Variants in POU6F2 observed in about 807,000 individuals in gnomAD.
POU6F2 encodes the protein POU class 6 homeobox 2, also known as POU domain, class 6, transcription factor 2.
A neutral mutation model predicts 71.3 loss-of-function variants in POU6F2; 31 were observed. The ratio of observed to expected loss-of-function variants is 0.43; its 90% CI spans 0.33 to 0.59. The LOEUF (loss-of-function observed/expected upper bound fraction) is 0.59, where lower values mean the gene tolerates loss of function less well. Ranked by LOEUF, POU6F2 falls within the 20% of genes least tolerant of loss-of-function variation. POU6F2 has a pLI of 0.04. For synonymous variants in POU6F2, 347 were observed against 355.7 expected (o/e 0.98, Z 0.27); for missense variants, 783 against 856.8 (o/e 0.91, Z 1.07).
chr7:39,126,198 T>C lies in POU6F2; in HGVS notation c.277+40167T>C, dbSNP rs114357156. ...TCACCATGTAAGCTGAATTCAGCCTTGGCTAAGGTATAAGGTATACAGCAC... is the reference window on the plus strand; with the variant it reads ...TCACCATGTAAGCTGAATTCAGCCTCGGCTAAGGTATAAGGTATACAGCAC... On this transcript the variant is annotated intron_variant, in intron 2 of 9. Coordinates refer to ENST00000518318, the MANE Select transcript of POU6F2 (RefSeq NM_001370959.1). Among the ~76,000 whole-genome samples, 451 of 152,328 alleles carry C rather than the reference T, an allele frequency of 3.0e-3. 1 individual carries two copies. The highest frequency in any genetic ancestry group is 0.01 in the African/African-American group (427 of 41,576).
chr7:39,252,516 C>T (rs1361774707), intron 4 of POU6F2, among the ~76,000 whole-genome samples: 1 of 151,986 alleles, frequency 6.6e-6, no homozygotes, highest in Non-Finnish European at 1.5e-5. Context: ...ATCTTTGCCA[C>T]TGTGAAATGA....
intron 5 of POU6F2, among the ~76,000 whole-genome samples, chr7:39,395,034 G>A (rs192480940): frequency 2.6e-5 from 4 of 152,146 alleles, no homozygotes; most frequent in Non-Finnish European, 4.4e-5. Context: ...CCCTCTGATT[G>A]CCCTATTGCT....
intron 5 of POU6F2, among the ~76,000 whole-genome samples, chr7:39,396,532 C>T (rs1349044285): frequency 2.0e-5 from 3 of 152,200 alleles, no homozygotes; most frequent in Non-Finnish European, 2.9e-5. Flanking sequence ...TCCACAAGTG[C>T]TCATGGAGAG....
chr7:39,215,987 T>C (rs1794234985), intron 4 of POU6F2, among the ~76,000 whole-genome samples: 1 of 152,182 alleles, frequency 6.6e-6, no homozygotes, highest in South Asian at 2.1e-4. Context: ...TGGGATATGT[T>C]TTTTTCGTTA....
At chr7:39,242,306 A>G (rs1347271118) in intron 4 of POU6F2, among the ~76,000 whole-genome samples, 2 of 151,866 alleles carry the variant, frequency 1.3e-5, no homozygotes, top group African/African-American at 4.8e-5. Context: ...CTGCTTTGCA[A>G]TCCCACCGGC....
chr7:39,353,378 C>T (rs773999497), intron 5 of POU6F2, among the ~76,000 whole-genome samples: 1 of 152,232 alleles, frequency 6.6e-6, no homozygotes, highest in Non-Finnish European at 1.5e-5. Context: ...TCTCCTTGCA[C>T]TAAAGGGTTA....
intron 4 of POU6F2, among the ~76,000 whole-genome samples, chr7:39,288,656 G>T (rs1784694292): frequency 6.6e-6 from 1 of 152,158 alleles, no homozygotes; most frequent in Non-Finnish European, 1.5e-5. Context: ...CCTAATCGTG[G>T]TCAGTAGAGA....
intron 1 of POU6F2, among the ~76,000 whole-genome samples, chr7:39,007,629 A>T (rs1446110500): frequency 1.3e-5 from 2 of 152,066 alleles, no homozygotes; most frequent in Admixed American, 6.6e-5. Context: ...GCACCCACTA[A>T]CTCATCATCT....
At chr7:39,238,890 C>T (rs867838835) in intron 4 of POU6F2, among the ~76,000 whole-genome samples, 1 of 152,100 alleles carries the variant, frequency 6.6e-6, no homozygotes, top group Non-Finnish European at 1.5e-5. Context: ...CACACAGAAA[C>T]GTGGGACCAG....
chr7:39,441,809 T>G (rs1028740474), intron 7 of POU6F2, among the ~76,000 whole-genome samples: 1 of 151,790 alleles, frequency 6.6e-6, no homozygotes, highest in Non-Finnish European at 1.5e-5. Flanking sequence ...AGACCCAGAG[T>G]TAAAGCTGGA....
chr7:39,265,107 C>G (rs1309686166), intron 4 of POU6F2, among the ~76,000 whole-genome samples: 1 of 152,190 alleles, frequency 6.6e-6, no homozygotes, highest in East Asian at 1.9e-4. Flanking sequence ...GCAGTTCTCA[C>G]TTTGCTGTTT....
intron 2 of POU6F2, among the ~76,000 whole-genome samples, chr7:39,127,909 C>A (rs950061757): frequency 7.6e-6 from 1 of 131,608 alleles, no homozygotes; most frequent in Non-Finnish European, 1.5e-5. Context: ...GTGGTGCAAT[C>A]TCTGCTCACT....
intron 5 of POU6F2, 75 bp from the exon 6 acceptor site, chr7:39,406,525 A>C: frequency 6.5e-7 from 1 of 1,536,916 alleles, no homozygotes; most frequent in Non-Finnish European, 8.8e-7. Flanking sequence ...CTACCTCCCC[A>C]GAGTCAATGT....
intron 1 of POU6F2, among the ~76,000 whole-genome samples, chr7:39,048,985 T>G (rs948682585): frequency 6.6e-5 from 10 of 151,998 alleles, no homozygotes; most frequent in African/African-American, 2.4e-4. Flanking sequence ...TGTCAAATTT[T>G]GGGGAAAAAG....
chr7:39,140,865 C>A (rs778941122), intron 2 of POU6F2, among the ~76,000 whole-genome samples: 7 of 152,074 alleles, frequency 4.6e-5, no homozygotes, highest in Non-Finnish European at 8.8e-5. Flanking sequence ...GAGGAGTCAC[C>A]AGGGGTTTTA....
At chr7:39,167,123 AAGAC>A (rs1169560172) in intron 2 of POU6F2, among the ~76,000 whole-genome samples, 5 of 152,152 alleles carry the variant, frequency 3.3e-5, no homozygotes, top group Non-Finnish European at 7.3e-5. Flanking sequence ...CATATGCATA[AAGAC>A]AGACAGATAA....
intron 2 of POU6F2, among the ~76,000 whole-genome samples, chr7:39,176,258 T>C (rs1562734427): frequency 6.6e-6 from 1 of 152,180 alleles, no homozygotes; most frequent in Non-Finnish European, 1.5e-5. Flanking sequence ...GCTTCTCTCT[T>C]TGTCAGAGAG....
intron 2 of POU6F2, among the ~76,000 whole-genome samples, chr7:39,131,716 G>A (rs1257374298): frequency 1.3e-5 from 2 of 152,152 alleles, no homozygotes; most frequent in African/African-American, 2.4e-5. Flanking sequence ...TTGTGAGTTG[G>A]TATTCAGGAA....
At chr7:39,348,802 G>C (rs1440265289) in intron 5 of POU6F2, among the ~76,000 whole-genome samples, 1 of 152,178 alleles carries the variant, frequency 6.6e-6, no homozygotes, top group Non-Finnish European at 1.5e-5. Context: ...AAAGATAGAT[G>C]GGTAGATAGA....
Sources: gnomAD v4.1 joint callset for allele counts (sites outside exome capture counted in the v4.1 genomes callset) on GRCh38, gnomAD v4.1.1 for gene constraint, MANE v1.5 for transcripts, NCBI Gene and HGNC (gene_info 2026-07-23, HGNC 2026-07-21) for gene names.